LEF1: variants seen among roughly 807,000 people sequenced by gnomAD.
LEF1 encodes lymphoid enhancer-binding factor 1.
A neutral mutation model predicts 51.2 loss-of-function variants in LEF1; 14 were observed. The observed-to-expected ratio is 0.27, with a 90% CI of 0.18 to 0.43. The LOEUF (loss-of-function observed/expected upper bound fraction) is 0.43. LEF1 is among the 20% of genes least tolerant of loss of function. The pLI is 1.00. For missense variants in LEF1, 386 were observed against 512.0 expected (o/e 0.75, Z 2.37); for synonymous variants, 185 against 183.2 (o/e 1.01, Z -0.08).
intron 3 of LEF1, among the ~76,000 whole-genome samples, chr4:108,106,022 C>T (rs185171273): frequency 6.6e-6 from 1 of 152,162 alleles, no homozygotes; most frequent in Non-Finnish European, 1.5e-5. Flanking sequence ...AATGTTGCCA[C>T]CCCGAATCCA....
At chr4:108,107,191 C>T (rs958712115) in intron 3 of LEF1, among the ~76,000 whole-genome samples, 8 of 151,902 alleles carry the variant, frequency 5.3e-5, no homozygotes, top group African/African-American at 1.5e-4. Flanking sequence ...ACCCATGCCT[C>T]GGAAGAAGAG....
intron 3 of LEF1, among the ~76,000 whole-genome samples, chr4:108,089,500 T>C (rs1210335397): frequency 1.3e-5 from 2 of 152,220 alleles, no homozygotes; most frequent in Admixed American, 6.5e-5. Context: ...CACCAGTGAC[T>C]CTTCAGGGAT....
rs1266681210 is a variant in LEF1, at chr4:108,099,570, G to GTGTATA, written c.415-10314_415-10313insTATACA. On this transcript the variant is annotated intron_variant, in intron 3 of 11. Coordinates refer to ENST00000265165, the MANE Select transcript of LEF1 (RefSeq NM_016269.5). ...TGTGTGTGTGTATGTGTGTGTGTGT[G>GTGTATA]TATATATATATATATATATATATAT... 2.9e-3 allele frequency among the ~76,000 whole-genome samples: 202 copies of GTGTATA among 70,184 alleles called. 27 individuals are homozygous for GTGTATA. The highest frequency in any genetic ancestry group is 6.9e-3 in the East Asian group (9 of 1,296). 46.0% of individuals were successfully genotyped at this position (70,184 alleles called of 152,430 possible).
intron 3 of LEF1, among the ~76,000 whole-genome samples, chr4:108,122,072 T>G (rs886833460): frequency 1.3e-5 from 2 of 152,220 alleles, no homozygotes; most frequent in African/African-American, 4.8e-5. Context: ...TCTAGAGTTG[T>G]TGGATATAGC....
At chr4:108,082,811 G>A (rs185366208) in intron 5 of LEF1, among the ~76,000 whole-genome samples, 14 of 152,170 alleles carry the variant, frequency 9.2e-5, no homozygotes, top group Admixed American at 5.9e-4. Context: ...GAGCACTAGC[G>A]TTCATATTCA....
intron 3 of LEF1, among the ~76,000 whole-genome samples, chr4:108,127,698 G>A (rs921918698): frequency 5.9e-5 from 9 of 152,226 alleles, no homozygotes; most frequent in African/African-American, 2.2e-4. Flanking sequence ...GTGACTGTAG[G>A]AAACCAAAGA....
chr4:108,070,215 C>A (rs1738371092), intron 9 of LEF1, among the ~76,000 whole-genome samples: 1 of 151,744 alleles, frequency 6.6e-6, no homozygotes, highest in South Asian at 2.1e-4. Flanking sequence ...TGTGCCATAA[C>A]AGATAAATGC....
intron 3 of LEF1, among the ~76,000 whole-genome samples, chr4:108,121,623 C>A (rs1183788589): frequency 6.6e-6 from 1 of 152,184 alleles, no homozygotes; most frequent in Non-Finnish European, 1.5e-5. Flanking sequence ...TGGCCAAGAT[C>A]TTAAAAAACT....
rs1372226561 is a variant in LEF1 at position 108,099,566 on chromosome 4, GTGTGTATATATA to G, written c.415-10321_415-10310del. Among the ~76,000 whole-genome samples, 60 of 72,870 alleles carry G rather than the reference GTGTGTATATATA, an allele frequency of 8.2e-4. 4 individuals carry two copies. Among genetic ancestry groups the G allele is most frequent in the South Asian group, 6.3e-3 (13 of 2,052 alleles). The allele number at this position is 72,870 out of a possible 152,430, so 47.8% of individuals were successfully genotyped here. A position where few individuals can be genotyped will look rare whatever the true frequency, so the allele number is the denominator to read the frequency against. On this transcript the variant is annotated intron_variant, in intron 3 of 11. Transcript: ENST00000265165. ...TATGTGTGTGTGTGTATGTGTGTGT[GTGTGTATATATA>G]TATATATATATATATATATATATAT... is the stretch of plus-strand genomic sequence containing the variant.
In LEF1 at chr4:108,055,218, T is replaced by C. The variant is rs191000724; in HGVS notation, c.*7-6467A>G. Among the ~76,000 whole-genome samples the C allele has an allele frequency of 1.4e-4, 21 of 152,334 alleles. No homozygotes were observed. In the East Asian group the frequency reaches 3.7e-3, roughly 27 times the overall value. ...ATCCACACAGATCAGAAGAAACATA[T>C]TATTGTGGGTACAGGGTATAGTCCC... On this transcript the variant is annotated intron_variant, in intron 11 of 11. Coordinates refer to ENST00000265165, the MANE Select transcript of LEF1 (RefSeq NM_016269.5).
intron 3 of LEF1, among the ~76,000 whole-genome samples, chr4:108,090,019 C>T (rs536839574): frequency 2.6e-5 from 4 of 151,948 alleles, no homozygotes; most frequent in Admixed American, 1.3e-4. Context: ...TTCACTGTGT[C>T]GCCCAGGCTG....
chr4:108,115,107 A>G (rs1446295121), intron 3 of LEF1, among the ~76,000 whole-genome samples: 1 of 152,254 alleles, frequency 6.6e-6, no homozygotes, highest in Non-Finnish European at 1.5e-5. Flanking sequence ...ATAAAGATCT[A>G]TGTCCACATA....
chr4:108,132,645 G>A lies in LEF1; in HGVS notation c.414+30923C>T, dbSNP rs1742967123. ...AGCATTCTCAATAGATATGGGATGA[G>A]AGCGAAAATCTGCCTTTTTTTTTTT... On this transcript the variant is annotated intron_variant, in intron 3 of 11. Coordinates refer to ENST00000265165, the MANE Select transcript of LEF1 (RefSeq NM_016269.5). Among the ~76,000 whole-genome samples the A allele has an allele frequency of 2.7e-5, 3 of 110,606 alleles. No homozygotes were observed. In the Admixed American group the frequency reaches 3.4e-4, roughly 12 times the overall value. The allele number at this position is 110,606 out of a possible 152,430, so 72.6% of individuals were successfully genotyped here.
intron 3 of LEF1, among the ~76,000 whole-genome samples, chr4:108,141,731 T>C (rs765837268): frequency 6.6e-6 from 1 of 152,186 alleles, no homozygotes; most frequent in Non-Finnish European, 1.5e-5. Context: ...CAGCATCATG[T>C]TGGATTGCAG....
chr4:108,148,736 T>C (rs949400958), intron 3 of LEF1, among the ~76,000 whole-genome samples: 5 of 152,234 alleles, frequency 3.3e-5, no homozygotes, highest in African/African-American at 1.2e-4. Context: ...GGATTTATCT[T>C]CATTCTACCA....
At chr4:108,138,117 C>G (rs1743413669) in intron 3 of LEF1, among the ~76,000 whole-genome samples, 1 of 152,184 alleles carries the variant, frequency 6.6e-6, no homozygotes, top group Non-Finnish European at 1.5e-5. Context: ...TTAGATGAGA[C>G]TTGTTGGACT....
intron 11 of LEF1, among the ~76,000 whole-genome samples, chr4:108,058,915 G>T (rs771203506): frequency 1.3e-5 from 2 of 152,188 alleles, no homozygotes; most frequent in Non-Finnish European, 2.9e-5. Context: ...GACAGTGTGT[G>T]CAGTCTTATC....
Position 108,129,459 on chromosome 4 carries a change from T to C in LEF1, c.414+34109A>G, listed in dbSNP as rs559545520. On this transcript the variant is annotated intron_variant, in intron 3 of 11. Transcript: ENST00000265165. ...AGCCTCAGGGTAATAATTTTTCCTG[T>C]AATAGTTAGAAACTCAAAACATGTA... is the stretch of plus-strand genomic sequence containing the variant. Among the ~76,000 whole-genome samples, 28 of 152,344 alleles carry C rather than the reference T, an allele frequency of 1.8e-4. No individual in the cohort carries two copies. The South Asian group carries it at 5.8e-3, about 32-fold the overall frequency.
intron 3 of LEF1, among the ~76,000 whole-genome samples, chr4:108,155,522 G>A (rs1744634905): frequency 6.6e-6 from 1 of 152,224 alleles, no homozygotes; most frequent in Admixed American, 6.5e-5. Context: ...GGAACCGAAA[G>A]TTTCTTCCCT....
Sources: gnomAD v4.1 joint callset for allele counts (sites outside exome capture counted in the v4.1 genomes callset) on GRCh38, gnomAD v4.1.1 for gene constraint, MANE v1.5 for transcripts, NCBI Gene and HGNC (gene_info 2026-07-23, HGNC 2026-07-21) for gene names.